Variants in ERAP1 observed in about 807,000 individuals in gnomAD.
The protein encoded by ERAP1 is endoplasmic reticulum aminopeptidase 1.
Under a neutral mutation model 103.7 loss-of-function variants are expected in ERAP1, and 86 were observed. That is an observed-to-expected ratio of 0.83 (90% CI 0.70 to 0.99). ERAP1 has a LOEUF of 0.99. Ranked by LOEUF, ERAP1 falls within the 50% of genes least tolerant of loss-of-function variation. The probability of loss-of-function intolerance (pLI) is 0.00; values close to 1 mark genes in which losing one functional copy is unlikely to be tolerated. For missense variants in ERAP1, 1,009 were observed against 1,128.4 expected, an observed-to-expected ratio of 0.89 and a Z score of 1.52; for synonymous variants, 398 against 402.4, an observed-to-expected ratio of 0.99 and a Z score of 0.13.
chr5:96,785,678 C>T (rs1309854078), intron 13 of ERAP1, 110 bp downstream of exon 13: 2 of 1,238,748 alleles, frequency 1.6e-6, no homozygotes, highest in South Asian at 1.3e-5. Context: ...AAGGAAAACA[C>T]CTTTCAACTT....
At chr5:96,778,375 G>C (rs924586280) in intron 18 of ERAP1, among the ~76,000 whole-genome samples, 1 of 152,220 alleles carries the variant, frequency 6.6e-6, no homozygotes, top group Non-Finnish European at 1.5e-5. Context: ...GATCTGAGCC[G>C]AGACCTCTCA....
the ERAP1 span, among the ~76,000 whole-genome samples, chr5:96,815,695 C>A: frequency 4.6e-5 from 7 of 151,964 alleles, no homozygotes; most frequent in Non-Finnish European, 8.8e-5. Context: ...TACAGACACA[C>A]TCAGCCATTA....
the ERAP1 span, among the ~76,000 whole-genome samples, chr5:96,843,392 C>G: frequency 6.6e-6 from 1 of 152,154 alleles, no homozygotes; most frequent in African/African-American, 2.4e-5. Flanking sequence ...AGTGACCAAT[C>G]AGAGGCAAAA....
chr5:96,837,303 T>G, the ERAP1 span, among the ~76,000 whole-genome samples: 3 of 152,222 alleles, frequency 2.0e-5, no homozygotes, highest in African/African-American at 7.2e-5. Context: ...TTTTTAAGTG[T>G]TGGAAGGGTA....
At chr5:96,913,132 T>G in the ERAP1 span, among the ~76,000 whole-genome samples, 2 of 152,226 alleles carry the variant, frequency 1.3e-5, no homozygotes, top group Non-Finnish European at 2.9e-5. Context: ...GTAAATGTTT[T>G]TGATAGGAAC....
chr5:96,763,510 G>A (rs1233644809), intron 19 of ERAP1, among the ~76,000 whole-genome samples: 2 of 152,192 alleles, frequency 1.3e-5, no homozygotes, highest in Non-Finnish European at 2.9e-5. Context: ...AAGGCTATCA[G>A]TAAACATTTG....
chr5:96,932,435 T>A, the ERAP1 span, among the ~76,000 whole-genome samples: 1 of 152,256 alleles, frequency 6.6e-6, no homozygotes, highest in Non-Finnish European at 1.5e-5. Flanking sequence ...AAATGATTAA[T>A]GGAATAGACT....
intron 19 of ERAP1, chr5:96,767,864 C>T (rs1308910364): frequency 1.6e-6 from 2 of 1,285,774 alleles, no homozygotes; most frequent in African/African-American, 2.9e-5. Flanking sequence ...TTGCATTTTG[C>T]CTTCTGCTTC....
intron 4 of ERAP1, 136 bp from the exon 5 acceptor site, chr5:96,795,298 AT>A: frequency 8.8e-7 from 1 of 1,135,316 alleles, no homozygotes. Context: ...TGGGAATTCC[AT>A]TTCTTGCATT....
chr5:96,812,561 ATTG>A (rs1779212112), upstream of ERAP1, among the ~76,000 whole-genome samples: 1 of 152,192 alleles, frequency 6.6e-6, no homozygotes, highest in Non-Finnish European at 1.5e-5. Flanking sequence ...AGATTTGTTT[ATTG>A]TTATTTTTTG....
upstream of ERAP1, among the ~76,000 whole-genome samples, chr5:96,811,074 G>A (rs1171118573): frequency 6.6e-6 from 1 of 151,784 alleles, no homozygotes; most frequent in South Asian, 2.1e-4. Flanking sequence ...AGGCTCCCAG[G>A]GCCTTAGAAC....
At chr5:96,806,284 C>T (rs1228480245) in intron 1 of ERAP1, among the ~76,000 whole-genome samples, 1 of 151,710 alleles carries the variant, frequency 6.6e-6, no homozygotes, top group East Asian at 1.9e-4. Context: ...GAAAGGGAGG[C>T]AGTTAAAAAA....
chr5:96,781,825 A>G lies in ERAP1; in HGVS notation c.2315T>C (p.Phe772Ser), dbSNP rs1775214624. 6.2e-6 allele frequency: 10 copies of G among 1,614,120 alleles called. No homozygotes were observed. The East Asian group carries it at 2.2e-4, about 36-fold the overall frequency. ...SLPVDVTLAV[F>S]AVGAQSTEGW... ...TTCTGTGCTCTGGGCCCCCACAGCA[A>G]ACACTGCCAAGGTCACGTCGACAGG... The change falls in exon 16 of 19, where the codon TTT becomes TCT. Residue 772 changes from phenylalanine to serine, a missense_variant. Physicochemically the swap from Phe to Ser is radical, Grantham distance 155. Around this residue, in one of 3 missense-constraint regions of ERAP1, gnomAD observed 611 missense variants for 651.7 expected, o/e 0.94. Transcript: ENST00000443439.
chr5:96,883,979 C>T, the ERAP1 span: 10 of 1,521,288 alleles, frequency 6.6e-6, no homozygotes, highest in African/African-American at 7.1e-5. Flanking sequence ...AGTTGAGACT[C>T]AGTCTTCGTT....
upstream of ERAP1, chr5:96,808,096 T>C (rs1012987525): frequency 1.3e-5 from 13 of 984,852 alleles, no homozygotes; most frequent in Non-Finnish European, 1.4e-5. Flanking sequence ...AGGAAGGGAA[T>C]TGGTAAATGA....
At chr5:96,899,669 C>T in the ERAP1 span, among the ~76,000 whole-genome samples, 25 of 152,270 alleles carry the variant, frequency 1.6e-4, no homozygotes, top group Middle Eastern at 0.01. Flanking sequence ...GTAGGAATAC[C>T]TTGGTAAACA....
chr5:96,838,340 A>G, the ERAP1 span, among the ~76,000 whole-genome samples: 1 of 152,172 alleles, frequency 6.6e-6, no homozygotes, highest in Non-Finnish European at 1.5e-5. Flanking sequence ...CCTGAGATGG[A>G]CCAGGTAGCC....
At chr5:96,862,630 A>G in the ERAP1 span, among the ~76,000 whole-genome samples, 1 of 152,176 alleles carries the variant, frequency 6.6e-6, no homozygotes, top group Non-Finnish European at 1.5e-5. Flanking sequence ...TGTCTGGTGA[A>G]TGGTTGACTT....
chr5:96,794,922 G>T, intron 5 of ERAP1, 120 bp downstream of exon 5: 1 of 1,190,120 alleles, frequency 8.4e-7, no homozygotes, highest in Non-Finnish European at 1.2e-6. Flanking sequence ...TTTGTCACTT[G>T]CTGGGGTTTT....
Sources: gnomAD v4.1 joint callset for allele counts (sites outside exome capture counted in the v4.1 genomes callset) on GRCh38, gnomAD v4.1.1 for gene constraint, gnomAD v4.1.1 regional missense constraint, MANE v1.5 for transcripts, NCBI Gene and HGNC (gene_info 2026-07-23, HGNC 2026-07-21) for gene names.